The following SAMMSON variants were observed in gnomAD, a reference collection of about 807,000 sequenced individuals.
SAMMSON encodes survival associated mitochondrial melanoma specific oncogenic non-coding RNA, also known as long intergenic non-protein coding RNA 1212.
At chr3:70,026,276 G>A (rs564637646) in intron 3 of SAMMSON, among the ~76,000 whole-genome samples, 1 of 152,100 alleles carries the variant, frequency 6.6e-6, no homozygotes, top group Non-Finnish European at 1.5e-5. Flanking sequence ...AGGAACTAGT[G>A]TTCCTGATTT....
intron 4 of SAMMSON, among the ~76,000 whole-genome samples, chr3:70,121,433 T>C (rs2067432611): frequency 1.3e-5 from 2 of 152,016 alleles, no homozygotes. Context: ...TACTGTACTG[T>C]ATCGTGTGTA....
At chr3:70,048,078 G>C (rs1254974890) in intron 3 of SAMMSON, among the ~76,000 whole-genome samples, 1 of 151,902 alleles carries the variant, frequency 6.6e-6, no homozygotes, top group Non-Finnish European at 1.5e-5. Context: ...GACACATTTT[G>C]GTTAAGAGTT....
At chr3:70,330,151 C>T (rs541391842) in intron 7 of SAMMSON, among the ~76,000 whole-genome samples, 11 of 151,694 alleles carry the variant, frequency 7.3e-5, no homozygotes, top group South Asian at 2.1e-4. Flanking sequence ...ACACCTAATT[C>T]GGAAAAAATA....
intron 3 of SAMMSON, among the ~76,000 whole-genome samples, chr3:70,064,515 C>T (rs1265878961): frequency 1.3e-5 from 2 of 152,120 alleles, no homozygotes; most frequent in Non-Finnish European, 2.9e-5. Flanking sequence ...TAGGGCTTAG[C>T]AAGTGTCATG....
intron 3 of SAMMSON, among the ~76,000 whole-genome samples, chr3:70,017,895 TGC>T (rs2066992934): frequency 6.6e-6 from 1 of 152,152 alleles, no homozygotes; most frequent in South Asian, 2.1e-4. Context: ...TTTATTGATT[TGC>T]ATATGTTGAA....
At chr3:70,296,329 A>G (rs916398281) in intron 7 of SAMMSON, among the ~76,000 whole-genome samples, 1 of 152,124 alleles carries the variant, frequency 6.6e-6, no homozygotes. Context: ...ACTAAGTAAG[A>G]GACTGAAACA....
intron 4 of SAMMSON, among the ~76,000 whole-genome samples, chr3:70,145,335 A>T (rs1458214578): frequency 6.6e-6 from 1 of 152,152 alleles, no homozygotes; most frequent in African/African-American, 2.4e-5. Flanking sequence ...GAACTGAACA[A>T]CACTATCAAC....
At chr3:70,317,695 A>T (rs558345889) in intron 7 of SAMMSON, among the ~76,000 whole-genome samples, 5 of 151,748 alleles carry the variant, frequency 3.3e-5, no homozygotes, top group African/African-American at 9.6e-5. Context: ...ATAAATTAGG[A>T]GGAAAAAAAT....
chr3:70,264,469 G>C (rs927276163), intron 6 of SAMMSON, among the ~76,000 whole-genome samples: 1 of 152,190 alleles, frequency 6.6e-6, no homozygotes, highest in African/African-American at 2.4e-5. Context: ...AAGGATCAAT[G>C]TGCCTGAGTC....
intron 4 of SAMMSON, chr3:70,183,839 G>C (rs539990660): frequency 6.6e-6 from 1 of 152,308 alleles, no homozygotes; most frequent in African/African-American, 2.4e-5. Context: ...TGAGAGCACA[G>C]ATATCTATTT....
intron 7 of SAMMSON, among the ~76,000 whole-genome samples, chr3:70,296,640 T>G (rs574939319): frequency 6.6e-6 from 1 of 152,316 alleles, no homozygotes; most frequent in Non-Finnish European, 1.5e-5. Flanking sequence ...ATGTTTTCTT[T>G]TCTTCCATTC....
intron 4 of SAMMSON, among the ~76,000 whole-genome samples, chr3:70,168,227 CCTGGCCACAG>C (rs2067645783): frequency 1.8e-5 from 1 of 54,950 alleles, no homozygotes; most frequent in African/African-American, 8.3e-5. Context: ...TTCAGTATTT[CCTGGCCACAG>C]ATACCTGCCT....
At chr3:70,105,778 C>T (rs985041295) in intron 4 of SAMMSON, among the ~76,000 whole-genome samples, 1 of 152,146 alleles carries the variant, frequency 6.6e-6, no homozygotes, top group Non-Finnish European at 1.5e-5. Flanking sequence ...GACTATATTT[C>T]TCCTCTTCTC....
chr3:70,390,902 AC>A (rs1424464269), downstream of SAMMSON, among the ~76,000 whole-genome samples: 1 of 152,192 alleles, frequency 6.6e-6, no homozygotes, highest in Non-Finnish European at 1.5e-5. Flanking sequence ...GGAGATTAAA[AC>A]ATTATAAACA....
intron 7 of SAMMSON, among the ~76,000 whole-genome samples, chr3:70,300,322 A>G (rs1702335251): frequency 6.6e-6 from 1 of 152,036 alleles, no homozygotes; most frequent in South Asian, 2.1e-4. Context: ...TTCCTTACCT[A>G]CCACCTTCTC....
intron 6 of SAMMSON, among the ~76,000 whole-genome samples, chr3:70,258,647 A>C (rs1701839770): frequency 6.6e-6 from 1 of 152,298 alleles, no homozygotes; most frequent in African/African-American, 2.4e-5. Context: ...ACACTACTGG[A>C]AATTTATAGA....
At chr3:70,073,997 G>C (rs1319582069) in intron 4 of SAMMSON, among the ~76,000 whole-genome samples, 3 of 151,818 alleles carry the variant, frequency 2.0e-5, no homozygotes, top group Admixed American at 2.0e-4. Flanking sequence ...TGCTAAAATC[G>C]TTAGCTACTA....
At chr3:70,047,377 C>T (rs2067130988) in intron 3 of SAMMSON, among the ~76,000 whole-genome samples, 1 of 151,086 alleles carries the variant, frequency 6.6e-6, no homozygotes, top group Admixed American at 6.6e-5. Context: ...CACCCAGGCT[C>T]CCAGGCTGGA....
chr3:70,231,815 G>A (rs1293857665), intron 4 of SAMMSON, among the ~76,000 whole-genome samples: 5 of 152,102 alleles, frequency 3.3e-5, no homozygotes, highest in African/African-American at 1.2e-4. Flanking sequence ...ACTTGGACCA[G>A]GAGTCACAAA....
Sources: gnomAD v4.1 joint callset for allele counts (sites outside exome capture counted in the v4.1 genomes callset) on GRCh38, gnomAD v4.1.1 for gene constraint, MANE v1.5 for transcripts, NCBI Gene and HGNC (gene_info 2026-07-23, HGNC 2026-07-21) for gene names.